The following CDH11 variants were observed in gnomAD, a reference collection of about 807,000 sequenced individuals.
CDH11 encodes the protein cadherin-11.
Under a neutral mutation model 67.8 loss-of-function variants are expected in CDH11, and 11 were observed. The observed-to-expected ratio is 0.16, with a 90% confidence interval of 0.10 to 0.27. The LOEUF (loss-of-function observed/expected upper bound fraction) is 0.27. Ranked by LOEUF, CDH11 falls within the 10% of genes least tolerant of loss-of-function variation. The pLI is 1.00. For synonymous variants in CDH11, 419 were observed against 400.0 expected (o/e 1.05, Z -0.57); for missense variants, 847 against 1,031.2 (o/e 0.82, Z 2.45).
chr16:65,111,461 T>C (rs1286324788), intron 1 of CDH11, among the ~76,000 whole-genome samples: 4 of 151,842 alleles, frequency 2.6e-5, no homozygotes. Flanking sequence ...CAGGGACAGG[T>C]GGGGAAATGC....
At chr16:64,996,215 C>A (rs960754515) in intron 4 of CDH11, among the ~76,000 whole-genome samples, 1 of 152,152 alleles carries the variant, frequency 6.6e-6, no homozygotes, top group Non-Finnish European at 1.5e-5. Flanking sequence ...CAAGGCTGGG[C>A]ACGGTGGCTT....
At chr16:65,026,290 G>T (rs1427690391) in intron 2 of CDH11, among the ~76,000 whole-genome samples, 2 of 152,088 alleles carry the variant, frequency 1.3e-5, no homozygotes, top group African/African-American at 2.4e-5. Flanking sequence ...GGTGGGTATT[G>T]CCTCCACTGC....
chr16:65,019,093 A>G (rs1689837484), intron 2 of CDH11, among the ~76,000 whole-genome samples: 1 of 152,242 alleles, frequency 6.6e-6, no homozygotes, highest in African/African-American at 2.4e-5. Context: ...ATAAAACCCA[A>G]AGAAAGCCAA....
intron 4 of CDH11, among the ~76,000 whole-genome samples, chr16:64,997,031 G>A (rs1046466750): frequency 1.3e-5 from 2 of 151,936 alleles, no homozygotes; most frequent in Non-Finnish European, 2.9e-5. Flanking sequence ...GGGCACGGTG[G>A]CTCACGTCTG....
chr16:65,018,949 T>C (rs1232997546), intron 2 of CDH11, among the ~76,000 whole-genome samples: 1 of 152,188 alleles, frequency 6.6e-6, no homozygotes, highest in Admixed American at 6.5e-5. Context: ...GACAAGGAAA[T>C]CCAGTTACCT....
At chr16:65,108,567 A>G (rs2075104364) in intron 1 of CDH11, among the ~76,000 whole-genome samples, 2 of 152,326 alleles carry the variant, frequency 1.3e-5, no homozygotes, top group South Asian at 4.1e-4. Context: ...TACTACTGGA[A>G]TATTTTGGCA....
In CDH11 at chr16:64,988,236, A is replaced by C; in HGVS notation, c.920T>G (p.Ile307Ser). ...IGENGLVTYN[I>S]VDGDGMESFE... ...CGATTCCATACCATCTCCATCAACA[A>C]TATTGTATGTGACTAAGCCATTTTC... The change falls in exon 7 of 13, where the codon ATT (isoleucine) becomes AGT (serine). Residue 307 changes from isoleucine (I) to serine (S), a missense_variant. Coordinates refer to ENST00000268603, the MANE Select transcript of CDH11 (RefSeq NM_001797.4). 2 of 1,613,608 alleles carry C rather than the reference A, an allele frequency of 1.2e-6. No homozygotes were observed. The highest frequency in any genetic ancestry group is 1.7e-6 in the Non-Finnish European group (2 of 1,179,616).
At position 64,948,521 on chromosome 16, in the gene CDH11, C is replaced by A. The variant is rs528841868; in HGVS notation, c.1895-422G>T. The A allele has an allele frequency of 6.4e-6, 7 of 1,093,230 alleles. No homozygotes were observed. In the South Asian group the frequency reaches 7.6e-5, roughly 12 times the overall value. 67.7% of individuals were successfully genotyped at this position (1,093,230 alleles called of 1,614,324 possible). A position where few individuals can be genotyped will look rare whatever the true frequency, so the allele number is the denominator to read the frequency against. On this transcript the variant is annotated intron_variant, in intron 12 of 12. Transcript: ENST00000268603. Reference sequence around the variant, plus strand: ...ATGAGGACATGCAGAGCCCTTAGGGCCTACCATCTTATAGGGGGTGATGGC... The same window carrying A: ...ATGAGGACATGCAGAGCCCTTAGGGACTACCATCTTATAGGGGGTGATGGC...
chr16:65,018,149 G>A (rs1235684788), intron 2 of CDH11, among the ~76,000 whole-genome samples: 1 of 152,106 alleles, frequency 6.6e-6, no homozygotes, highest in African/African-American at 2.4e-5. Flanking sequence ...AATGAGTTTG[G>A]TGACTCCTTC....
intron 2 of CDH11, among the ~76,000 whole-genome samples, chr16:65,036,279 T>C (rs943625248): frequency 5.3e-5 from 8 of 152,138 alleles, no homozygotes; most frequent in Non-Finnish European, 1.2e-4. Flanking sequence ...TCTTCAACTA[T>C]CTTCATTTTT....
chr16:65,060,338 CAT>C (rs56797143), intron 1 of CDH11, among the ~76,000 whole-genome samples: 63,490 of 144,792 alleles, frequency 0.44, 13,745 homozygotes, highest in Middle Eastern at 0.53. Flanking sequence ...ATAAAATTTG[CAT>C]ATATATATAT....
At chr16:65,067,236 T>C (rs999435078) in intron 1 of CDH11, among the ~76,000 whole-genome samples, 1 of 148,894 alleles carries the variant, frequency 6.7e-6, no homozygotes, top group Non-Finnish European at 1.5e-5. Context: ...AGGAGTTAAA[T>C]GAATCCTTTG....
chr16:65,105,543 A>G (rs1396562202), intron 1 of CDH11, among the ~76,000 whole-genome samples: 2 of 152,254 alleles, frequency 1.3e-5, no homozygotes, highest in Non-Finnish European at 2.9e-5. Context: ...ATGAAAATGA[A>G]AGTTGGATTA....
intron 1 of CDH11, among the ~76,000 whole-genome samples, chr16:65,068,762 G>T (rs1029897725): frequency 2.6e-5 from 4 of 152,092 alleles, no homozygotes; most frequent in Admixed American, 6.5e-5. Flanking sequence ...TAAGCCATTC[G>T]CTTTAATTTC....
At chr16:65,085,223 T>G (rs1474259858) in intron 1 of CDH11, among the ~76,000 whole-genome samples, 1 of 152,194 alleles carries the variant, frequency 6.6e-6, no homozygotes, top group African/African-American at 2.4e-5. Flanking sequence ...AAAAAATTAT[T>G]TCTAACCATT....
At chr16:65,104,107 G>T (rs139462661) in intron 1 of CDH11, among the ~76,000 whole-genome samples, 5 of 152,262 alleles carry the variant, frequency 3.3e-5, no homozygotes, top group African/African-American at 1.2e-4. Flanking sequence ...ATTTGGTGGA[G>T]AAAATTGAGT....
At chr16:65,046,885 A>T (rs1352347144) in intron 2 of CDH11, among the ~76,000 whole-genome samples, 4 of 152,208 alleles carry the variant, frequency 2.6e-5, no homozygotes, top group Admixed American at 2.6e-4. Context: ...AGGCGGGCAG[A>T]TCACTTGAGG....
At chr16:65,101,031 C>A (rs2074982416) in intron 1 of CDH11, among the ~76,000 whole-genome samples, 1 of 152,174 alleles carries the variant, frequency 6.6e-6, no homozygotes, top group South Asian at 2.1e-4. Context: ...AATCTGGTAA[C>A]TTTCTTCCTT....
intron 1 of CDH11, among the ~76,000 whole-genome samples, chr16:65,077,192 T>C (rs1345827432): frequency 6.6e-6 from 1 of 152,250 alleles, no homozygotes; most frequent in Non-Finnish European, 1.5e-5. Context: ...GTCTAACTTC[T>C]GGCTCTGCCA....
Sources: allele counts gnomAD v4.1 joint callset (sites outside exome capture counted in the v4.1 genomes callset), GRCh38; gene constraint gnomAD v4.1.1; transcripts MANE v1.5; gene names NCBI Gene and HGNC (gene_info 2026-07-23, HGNC 2026-07-21).